The following TPTE variants were observed in gnomAD, a reference collection of about 807,000 sequenced individuals.
TPTE encodes putative tyrosine-protein phosphatase TPTE.
Under a neutral mutation model 84.1 loss-of-function variants are expected in TPTE, and 59 were observed. That is an observed-to-expected ratio of 0.70 (90% CI 0.57 to 0.87). The LOEUF is 0.87. TPTE is among the 40% of genes least tolerant of loss of function. The pLI, the probability that TPTE is intolerant of heterozygous loss-of-function variation, is 0.00. For missense variants in TPTE, 382 were observed against 659.6 expected, an observed-to-expected ratio of 0.58 and a Z score of 4.61; for synonymous variants, 130 against 223.5, an observed-to-expected ratio of 0.58 and a Z score of 3.73.
chr21:10,540,657 ACTCTCACATGGGATGGAGCC>A (rs2074352023), intron 4 of TPTE: 4 of 519,146 alleles, frequency 7.7e-6, no homozygotes, highest in South Asian at 5.6e-5. Context: ...GCCCATACCC[ACTCTCACATGGGATGGAGCC>A]CTTGCTTGAG....
rs746064985 is a variant in TPTE, at chr21:10,542,499, T to C, written c.119+51T>C. 2.5e-6 allele frequency: 4 copies of C among 1,600,098 alleles called. No individual in the cohort carries two copies. In the South Asian group the frequency reaches 3.3e-5, roughly 13 times the overall value. On this transcript the variant is annotated intron_variant, in intron 6 of 23. Transcript: ENST00000618007. ...CCGTCAGCATAAGTGTGCATAGAAC[T>C]ATACACACACAGGCACATGAGCAAG...
At chr21:10,573,423 C>T (rs1315632535) in intron 14 of TPTE, among the ~76,000 whole-genome samples, 2 of 152,310 alleles carry the variant, frequency 1.3e-5, no homozygotes. Context: ...CCACTCTTAA[C>T]CACTGGACAG....
chr21:10,536,816 A>T (rs1167265642), intron 3 of TPTE, among the ~76,000 whole-genome samples: 1 of 152,308 alleles, frequency 6.6e-6, no homozygotes, highest in Non-Finnish European at 1.5e-5. Context: ...TAGCAGGCAC[A>T]TACTTAGGAA....
At chr21:10,582,494 G>A (rs1008238032) in intron 17 of TPTE, among the ~76,000 whole-genome samples, 2 of 152,310 alleles carry the variant, frequency 1.3e-5, no homozygotes, top group African/African-American at 4.8e-5. Context: ...AACACTTTTA[G>A]GATTTTTATT....
At chr21:10,583,447 T>C (rs1208985720) in intron 17 of TPTE, among the ~76,000 whole-genome samples, 5 of 152,300 alleles carry the variant, frequency 3.3e-5, no homozygotes, top group Non-Finnish European at 5.9e-5. Flanking sequence ...TTTCTCCCGA[T>C]TGTAGTTCTT....
intron 9 of TPTE, among the ~76,000 whole-genome samples, chr21:10,560,678 G>A (rs1430358710): frequency 1.4e-4 from 22 of 152,296 alleles, no homozygotes; most frequent in Non-Finnish European, 2.6e-4. Context: ...ATGAGAAATT[G>A]GTATAAACTT....
At chr21:10,547,309 G>T (rs1214685845) in intron 7 of TPTE, among the ~76,000 whole-genome samples, 2 of 152,306 alleles carry the variant, frequency 1.3e-5, no homozygotes, top group Admixed American at 6.5e-5. Flanking sequence ...AAGGAGTGGA[G>T]ACACATCTGT....
intron 1 of TPTE, among the ~76,000 whole-genome samples, chr21:10,523,202 C>T (rs1208950484): frequency 6.6e-6 from 1 of 152,306 alleles, no homozygotes; most frequent in African/African-American, 2.4e-5. Context: ...AGTCTCTGCT[C>T]TGAGGTTATT....
chr21:10,549,522 C>T (rs2074532832), intron 7 of TPTE, among the ~76,000 whole-genome samples: 1 of 152,300 alleles, frequency 6.6e-6, no homozygotes, highest in Non-Finnish European at 1.5e-5. Flanking sequence ...AACAGAAGCC[C>T]TAAGAGCTAA....
At chr21:10,537,233 C>T (rs1383044240) in intron 3 of TPTE, among the ~76,000 whole-genome samples, 2 of 152,310 alleles carry the variant, frequency 1.3e-5, no homozygotes, top group African/African-American at 4.8e-5. Flanking sequence ...AAGAACTAAA[C>T]ATCGCTTGTG....
chr21:10,574,559 G>A (rs1222427171), intron 14 of TPTE, among the ~76,000 whole-genome samples: 1 of 152,312 alleles, frequency 6.6e-6, no homozygotes, highest in Non-Finnish European at 1.5e-5. Flanking sequence ...AATGAAAAGG[G>A]GCGAGGGAAT....
rs749871986 is a variant in TPTE, at chr21:10,598,043, A to G, written c.1305A>G (p.Ile435Met). Residue 435 changes from isoleucine to methionine, a missense_variant, in exon 21 of 24, where the codon ATA becomes ATG. Ile to Met is a conservative substitution (Grantham distance 10). Coordinates refer to ENST00000618007, the MANE Select transcript of TPTE (RefSeq NM_199261.4). ...PRYVRDLKIQ[I>M]EMEKKVVFST... The stretch of plus-strand genomic sequence containing the variant: ...ATGTACGTGATCTAAAAATCCAAAT[A>G]GAAATGGAGAAAAAGGTTGTCTTTT... 1.9e-6 allele frequency: 3 copies of G among 1,613,826 alleles called. No homozygotes were observed. Among genetic ancestry groups the G allele is most frequent in the South Asian group, 2.2e-5 (2 of 91,078 alleles).
chr21:10,562,822 G>A (rs1300340623), intron 10 of TPTE, among the ~76,000 whole-genome samples: 2 of 152,298 alleles, frequency 1.3e-5, no homozygotes, highest in Non-Finnish European at 2.9e-5. Flanking sequence ...AGAGGAGGTG[G>A]GGAGTGTAGA....
intron 20 of TPTE, among the ~76,000 whole-genome samples, chr21:10,597,098 TA>T (rs571148958): frequency 2.0e-5 from 3 of 152,292 alleles, no homozygotes; most frequent in Non-Finnish European, 4.4e-5. Flanking sequence ...AGGAAAGCAA[TA>T]AAAAAATTAA....
chr21:10,604,628 A>G (rs1184237332), intron 23 of TPTE, among the ~76,000 whole-genome samples: 10 of 152,292 alleles, frequency 6.6e-5, no homozygotes, highest in Non-Finnish European at 1.0e-4. Context: ...TTTTGGATGC[A>G]TACAAACAAT....
intron 3 of TPTE, among the ~76,000 whole-genome samples, chr21:10,528,462 C>T (rs1160559638): frequency 1.3e-5 from 2 of 152,308 alleles, no homozygotes; most frequent in South Asian, 2.1e-4. Context: ...GTCATATTTA[C>T]CATATCTTTT....
chr21:10,542,673 A>C (rs1272469497), intron 6 of TPTE, among the ~76,000 whole-genome samples: 2 of 152,300 alleles, frequency 1.3e-5, no homozygotes, highest in Non-Finnish European at 2.9e-5. Context: ...TGATGGAAAC[A>C]TAGACCAAAG....
intron 14 of TPTE, among the ~76,000 whole-genome samples, chr21:10,573,708 A>G (rs2075091897): frequency 6.6e-6 from 1 of 152,306 alleles, no homozygotes; most frequent in Non-Finnish European, 1.5e-5. Context: ...ATTATGTGTC[A>G]ATTAAAAATA....
Position 10,578,623 on chromosome 21 carries a change from T to G in TPTE, c.1027+18T>G. Reference sequence around the variant, plus strand: ...AGGCACAGGTAATAACATTTTCCTTTTTATTTCTCCATTTCTAAAGACATG... The same window carrying G: ...AGGCACAGGTAATAACATTTTCCTTGTTATTTCTCCATTTCTAAAGACATG... On this transcript the variant is annotated intron_variant, in intron 17 of 23. Transcript: ENST00000618007. 1 of 1,611,958 alleles carries G rather than the reference T, an allele frequency of 6.2e-7. No individual in the cohort carries two copies. Among genetic ancestry groups the G allele is most frequent in the South Asian group, 1.1e-5 (1 of 90,976 alleles).
Sources: allele counts gnomAD v4.1 joint callset (sites outside exome capture counted in the v4.1 genomes callset), GRCh38; gene constraint gnomAD v4.1.1; transcripts MANE v1.5; gene names NCBI Gene and HGNC (gene_info 2026-07-23, HGNC 2026-07-21).